Variants in PIEZO2 observed in about 807,000 individuals in gnomAD.
PIEZO2 encodes the protein piezo-type mechanosensitive ion channel component 2.
PIEZO2 carries 172 observed loss-of-function variants against 337.3 expected under a neutral mutation model. That is an observed-to-expected ratio of 0.51 (90% CI 0.45 to 0.58). PIEZO2 has a LOEUF of 0.58. PIEZO2 is among the 20% of genes least tolerant of loss of function. The pLI, the probability that PIEZO2 is intolerant of heterozygous loss-of-function variation, is 0.00. For synonymous variants in PIEZO2, 1,251 were observed against 1,228.5 expected, an observed-to-expected ratio of 1.02 and a Z score of -0.38; for missense variants, 3,028 against 3,391.3, an observed-to-expected ratio of 0.89 and a Z score of 2.66.
intron 27 of PIEZO2, among the ~76,000 whole-genome samples, chr18:10,757,115 GA>G (rs528259846): frequency 4.8e-4 from 73 of 151,118 alleles, no homozygotes; most frequent in African/African-American, 1.7e-3. Context: ...GAGAAATGGG[GA>G]TAAGGATGAG....
chr18:10,724,991 C>T lies in PIEZO2; in HGVS notation c.5029+6416G>A, dbSNP rs1598403449. On this transcript the variant is annotated intron_variant, in intron 36 of 55. Coordinates refer to ENST00000674853, the MANE Select transcript of PIEZO2 (RefSeq NM_001378183.1). The surrounding 1 kb of genome is among the most constrained non-coding windows in gnomAD (Gnocchi z 5.8). ...GCCTCCCTGCCTCACATTACTAAGA[C>T]TCAAAGCGATGCAGGCCATAGTGCC... 2 of 1,588,368 alleles carry T rather than the reference C, an allele frequency of 1.3e-6. No homozygotes were observed. The highest frequency in any genetic ancestry group is 2.2e-5 in the East Asian group (1 of 44,778).
Position 10,870,825 on chromosome 18 carries a change from GCAC to G in PIEZO2, c.492+425_492+427del, listed in dbSNP as rs2042121383. Among the ~76,000 whole-genome samples, 1 of 152,176 alleles carries G rather than the reference GCAC, an allele frequency of 6.6e-6. No homozygotes were observed. The highest frequency in any genetic ancestry group is 2.4e-5 in the African/African-American group (1 of 41,432). Reference sequence around the variant, plus strand: ...ACCAGTCCACTGAGCAGGACAAGGTGCACAGACTGGAAAGCTGCCCTGCAAGGA... The same window carrying G: ...ACCAGTCCACTGAGCAGGACAAGGTGAGACTGGAAAGCTGCCCTGCAAGGA... On this transcript the variant is annotated intron_variant, in intron 5 of 55. Transcript: ENST00000674853. The surrounding 1 kb of genome is among the most constrained non-coding windows in gnomAD (Gnocchi z 5.3).
In PIEZO2 at chr18:10,773,453, C is replaced by T; in HGVS notation, c.2744G>A (p.Gly915Glu). The change falls in exon 20 of 56, where the codon GGA becomes GAA. Residue 915 changes from glycine to glutamate, a missense_variant. Gly to Glu is a moderately conservative substitution (Grantham distance 98, BLOSUM62 -2). Transcript: ENST00000674853. This position sits in a 1 kb window ranked among gnomAD's most constrained non-coding sequence, Gnocchi z 5.3. ...GKDSEESEED[G>E]EEEEESEEEE... ...CTCCTCGGATTCCTCCTCTTCCTCT[C>T]CGTCCTCCTCTGACTCCTCGCTGTC... The T allele has an allele frequency of 3.3e-6, 5 of 1,537,428 alleles. No homozygotes were observed. Among genetic ancestry groups the T allele is most frequent in the Non-Finnish European group, 4.4e-6 (5 of 1,146,974 alleles).
rs2039521884 is a variant in PIEZO2 at position 10,794,863 on chromosome 18, A to G, written c.1667T>C (p.Ile556Thr). ...FMVVYGNLLLILQYIWSFELP... is the reference protein window; with the variant it reads ...FMVVYGNLLLTLQYIWSFELP... ...TTCAAAACTCCATATATACTGTAAT[A>G]TCAACAATAGGTTTCCATAAACCAC... The change falls in exon 13 of 56, where the codon ATA (isoleucine) becomes ACA (threonine). Residue 556 changes from isoleucine to threonine, a missense_variant. Physicochemically the swap from Ile to Thr is moderately conservative, Grantham distance 89. Around this residue, in one of 5 missense-constraint regions of PIEZO2, gnomAD observed 50 missense variants for 88.2 expected, o/e 0.57. Coordinates refer to ENST00000674853, the MANE Select transcript of PIEZO2 (RefSeq NM_001378183.1). This position sits in a 1 kb window ranked among gnomAD's most constrained non-coding sequence, Gnocchi z 6.6. The G allele has an allele frequency of 2.0e-6, 3 of 1,537,338 alleles. No homozygotes were observed. The highest frequency in any genetic ancestry group is 1.4e-5 in the African/African-American group (1 of 73,026).
At chr18:10,679,608 C>T (rs1353659962) in intron 52 of PIEZO2, among the ~76,000 whole-genome samples, 6 of 152,302 alleles carry the variant, frequency 3.9e-5, no homozygotes, top group East Asian at 1.9e-4. Context: ...TGTGAAAGCA[C>T]GTGGCCAGTT....
In PIEZO2 at chr18:10,902,131, T is replaced by G. The variant is rs148218908; in HGVS notation, c.329+9055A>C. Among the ~76,000 whole-genome samples, 592 of 152,324 alleles carry G rather than the reference T, an allele frequency of 3.9e-3. 6 individuals carry two copies. The highest frequency in any genetic ancestry group is 0.013 in the African/African-American group (559 of 41,578). On this transcript the variant is annotated intron_variant, in intron 4 of 55. Coordinates refer to ENST00000674853, the MANE Select transcript of PIEZO2 (RefSeq NM_001378183.1). ...AACTGCACATGCAAGGGATCTAGGT[T>G]GCATGCTCCTTATGAGAAGCTAATG...
Position 11,148,652 on chromosome 18 carries a change from G to A in PIEZO2, c.-64C>T, listed in dbSNP as rs2040871984. ...CGAGGGTCCCTAGGGGTGGTGGGAC[G>A]CAAGGCCCATGCCCGTCTATGGCCT... On this transcript the variant is annotated 5_prime_UTR_variant, in exon 1 of 56. Coordinates refer to ENST00000674853, the MANE Select transcript of PIEZO2 (RefSeq NM_001378183.1). This position sits in a 1 kb window ranked among gnomAD's most constrained non-coding sequence, Gnocchi z 5.2. The A allele has an allele frequency of 2.0e-6, 3 of 1,496,978 alleles. No homozygotes were observed. Among genetic ancestry groups the A allele is most frequent in the Admixed American group, 3.9e-5 (2 of 50,838 alleles). The allele number at this position is 1,496,978 out of a possible 1,614,324, so 92.7% of individuals were successfully genotyped here. A position where few individuals can be genotyped will look rare whatever the true frequency, so the allele number is the denominator to read the frequency against.
At chr18:10,696,658 C>T in intron 45 of PIEZO2, 119 bp from the exon 46 acceptor site, 2 of 1,162,982 alleles carry the variant, frequency 1.7e-6, no homozygotes, top group Non-Finnish European at 2.4e-6. Context: ...TCAGGTCCCA[C>T]CTTCCTCTCT....
At chr18:10,690,536 T>C (rs369868654) in intron 48 of PIEZO2, among the ~76,000 whole-genome samples, 8 of 152,158 alleles carry the variant, frequency 5.3e-5, no homozygotes, top group African/African-American at 1.9e-4. Context: ...TCAGGCCCAG[T>C]CACAGGCTAG....
Position 11,009,414 on chromosome 18 carries a change from A to C in PIEZO2, c.161-29754T>G, listed in dbSNP as rs1015818105. ...CTGTAAAAGCTCCCTCGGTAATTCC[A>C]CAGTGAGCCAGGGCTGAGAACCACT... On this transcript the variant is annotated intron_variant, in intron 2 of 55. Transcript: ENST00000674853. The surrounding 1 kb of genome is among the most constrained non-coding windows in gnomAD (Gnocchi z 4.6). Among the ~76,000 whole-genome samples, 6 of 152,170 alleles carry C rather than the reference A, an allele frequency of 3.9e-5. No individual in the cohort carries two copies. The East Asian group carries it at 9.6e-4, about 24-fold the overall frequency.
chr18:11,082,183 G>A (rs1598930967), intron 1 of PIEZO2, among the ~76,000 whole-genome samples: 1 of 152,148 alleles, frequency 6.6e-6, no homozygotes, highest in Admixed American at 6.5e-5. Context: ...CCTAACATAG[G>A]AAATCTAATT....
intron 2 of PIEZO2, among the ~76,000 whole-genome samples, chr18:11,062,003 G>A (rs910566065): frequency 4.1e-4 from 62 of 151,994 alleles, no homozygotes; most frequent in African/African-American, 1.3e-3. Flanking sequence ...ACCTGACTTC[G>A]AACTATACTA....
chr18:10,910,134 A>C (rs2030331351), intron 4 of PIEZO2, among the ~76,000 whole-genome samples: 1 of 152,260 alleles, frequency 6.6e-6, no homozygotes, highest in Non-Finnish European at 1.5e-5. Flanking sequence ...AAAAAGAACT[A>C]GTCAAAACCT....
chr18:10,809,579 C>CT (rs34468777), intron 7 of PIEZO2, among the ~76,000 whole-genome samples: 66 of 149,024 alleles, frequency 4.4e-4, no homozygotes, highest in South Asian at 3.4e-3. Flanking sequence ...CTCTCTCTCT[C>CT]TTTTTTTTTT....
chr18:10,886,372 G>A (rs1015250474), intron 4 of PIEZO2, among the ~76,000 whole-genome samples: 1 of 5,310 alleles, frequency 1.9e-4, no homozygotes, highest in Non-Finnish European at 2.8e-4. Flanking sequence ...ATATATATGT[G>A]TGTGTGTGTA....
chr18:10,761,477 G>A (rs1343886), intron 23 of PIEZO2, among the ~76,000 whole-genome samples: 4 of 151,964 alleles, frequency 2.6e-5, no homozygotes, highest in Admixed American at 2.0e-4. Context: ...ATCCTGGGAC[G>A]CACTGAGCTA....
rs748137555 is a variant in PIEZO2 at position 10,873,370 on chromosome 18, T to C, written c.330-1955A>G. ...GCAATCTAACTTCCCAAAAGCCACA[T>C]AGAGAACAGAATTATACTCCATTCT... On this transcript the variant is annotated intron_variant, in intron 4 of 55. Transcript: ENST00000674853. 6.6e-5 allele frequency among the ~76,000 whole-genome samples: 10 copies of C among 152,310 alleles called. No homozygotes were observed. The South Asian group carries it at 1.5e-3, about 22-fold the overall frequency.
chr18:10,708,739 T>C (rs2035692904), intron 39 of PIEZO2, among the ~76,000 whole-genome samples: 1 of 152,234 alleles, frequency 6.6e-6, no homozygotes, highest in Non-Finnish European at 1.5e-5. Flanking sequence ...TTTCTCACAA[T>C]GTATAATTTA....
rs909936361 is a variant in PIEZO2, at chr18:11,126,322, C to T, written c.64+22203G>A. On this transcript the variant is annotated intron_variant, in intron 1 of 55. Coordinates refer to ENST00000674853, the MANE Select transcript of PIEZO2 (RefSeq NM_001378183.1). This position sits in a 1 kb window ranked among gnomAD's most constrained non-coding sequence, Gnocchi z 4.6. ...GATCTGTTATTTGCCCAGCATCACT[C>T]CCCTCTCTCCTTTCTGTTCAAATGC... Among the ~76,000 whole-genome samples the T allele has an allele frequency of 3.3e-5, 5 of 152,128 alleles. No individual in the cohort carries two copies. The highest frequency in any genetic ancestry group is 2.0e-4 in the Admixed American group (3 of 15,274).
Sources: gnomAD v4.1 joint callset for allele counts (sites outside exome capture counted in the v4.1 genomes callset) on GRCh38, gnomAD v4.1.1 for gene constraint, gnomAD v4.1.1 regional missense constraint, Gnocchi (gnomAD v3.1) non-coding constraint, MANE v1.5 for transcripts, NCBI Gene and HGNC (gene_info 2026-07-23, HGNC 2026-07-21) for gene names.